Variants in ARHGAP15 observed in about 807,000 individuals in gnomAD.
ARHGAP15 encodes rho GTPase-activating protein 15.
In ARHGAP15, 51 loss-of-function variants were observed where a neutral mutation model predicts 63.7. The ratio of observed to expected loss-of-function variants is 0.80; its 90% CI spans 0.64 to 1.01. The LOEUF is 1.01. Ranked by LOEUF, ARHGAP15 falls within the 50% of genes least tolerant of loss-of-function variation. The pLI, the probability that ARHGAP15 is intolerant of heterozygous loss-of-function variation, is 0.00. For synonymous variants in ARHGAP15, 191 were observed against 193.8 expected (o/e 0.99, Z 0.12); for missense variants, 560 against 564.6 (o/e 0.99, Z 0.08).
chr2:143,624,372 G>A, intron 12 of ARHGAP15, 105 bp downstream of exon 12: 1 of 1,284,044 alleles, frequency 7.8e-7, no homozygotes, highest in Non-Finnish European at 1.0e-6. Flanking sequence ...GGAACAGATA[G>A]TATCCCCGAT....
At chr2:143,132,506 A>G (rs1373378904) in intron 1 of ARHGAP15, among the ~76,000 whole-genome samples, 1 of 152,238 alleles carries the variant, frequency 6.6e-6, no homozygotes, top group East Asian at 1.9e-4. Context: ...GCTTTTCCCC[A>G]GTCACCACAG....
At chr2:143,537,245 T>G (rs1445278330) in intron 10 of ARHGAP15, among the ~76,000 whole-genome samples, 2 of 152,162 alleles carry the variant, frequency 1.3e-5, no homozygotes, top group African/African-American at 4.8e-5. Flanking sequence ...TTCTTGTAAA[T>G]TTCTTTGAGT....
chr2:143,317,658 C>T (rs377624124), intron 6 of ARHGAP15, among the ~76,000 whole-genome samples: 1 of 152,082 alleles, frequency 6.6e-6, no homozygotes, highest in East Asian at 1.9e-4. Flanking sequence ...GCTTTACCTC[C>T]AAAACTGAGG....
chr2:143,224,338 T>C (rs1023319044), intron 4 of ARHGAP15, among the ~76,000 whole-genome samples: 2 of 152,016 alleles, frequency 1.3e-5, no homozygotes, highest in African/African-American at 2.4e-5. Flanking sequence ...ACAGCAAACA[T>C]AAAGCAGAAA....
At chr2:143,487,016 C>T (rs1203222834) in intron 8 of ARHGAP15, among the ~76,000 whole-genome samples, 1 of 152,204 alleles carries the variant, frequency 6.6e-6, no homozygotes, top group Non-Finnish European at 1.5e-5. Flanking sequence ...ATCAGCAATG[C>T]TAAAGAGTTG....
At chr2:143,163,956 C>T (rs1314395909) in intron 2 of ARHGAP15, among the ~76,000 whole-genome samples, 5 of 152,176 alleles carry the variant, frequency 3.3e-5, no homozygotes, top group African/African-American at 9.6e-5. Context: ...CATGGCCTCT[C>T]CTAGGTGGAA....
rs1378320187 is a variant in ARHGAP15 at position 143,495,942 on chromosome 2, C to A, written c.826+8447C>A. Reference sequence around the variant, plus strand: ...ATTGCTTGGGTCTGAAATACTCTGACAACTTCCACGATATGCACTAATGTG... The same window carrying A: ...ATTGCTTGGGTCTGAAATACTCTGAAAACTTCCACGATATGCACTAATGTG... On this transcript the variant is annotated intron_variant, in intron 9 of 13. Transcript: ENST00000295095. Among the ~76,000 whole-genome samples, 10 of 152,306 alleles carry A rather than the reference C, an allele frequency of 6.6e-5. 1 individual carries two copies. The East Asian group carries it at 1.7e-3, about 26-fold the overall frequency.
intron 12 of ARHGAP15, among the ~76,000 whole-genome samples, chr2:143,662,167 T>C (rs1342051523): frequency 6.6e-6 from 1 of 152,222 alleles, no homozygotes; most frequent in Non-Finnish European, 1.5e-5. Context: ...AATATGCCTG[T>C]CTGACAGCTT....
At chr2:143,246,725 G>T (rs1390308617) in intron 5 of ARHGAP15, among the ~76,000 whole-genome samples, 1 of 152,016 alleles carries the variant, frequency 6.6e-6, no homozygotes, top group Non-Finnish European at 1.5e-5. Context: ...GACCTGAAAG[G>T]AAGTGAAGCC....
chr2:143,298,855 A>G (rs1267407676), intron 6 of ARHGAP15, among the ~76,000 whole-genome samples: 2 of 151,948 alleles, frequency 1.3e-5, no homozygotes, highest in African/African-American at 4.8e-5. Flanking sequence ...GTTGTTTTAC[A>G]CTTATTATCT....
chr2:143,306,123 T>C (rs1488937282), intron 6 of ARHGAP15, among the ~76,000 whole-genome samples: 1 of 152,154 alleles, frequency 6.6e-6, no homozygotes, highest in African/African-American at 2.4e-5. Flanking sequence ...GTAATATTAC[T>C]GGGCAAATTG....
chr2:143,150,106 G>T (rs1330881308), intron 1 of ARHGAP15, among the ~76,000 whole-genome samples: 1 of 151,942 alleles, frequency 6.6e-6, no homozygotes, highest in Non-Finnish European at 1.5e-5. Flanking sequence ...GACACCAGGG[G>T]ATGGTGTTCA....
intron 12 of ARHGAP15, among the ~76,000 whole-genome samples, chr2:143,691,233 C>A (rs189248589): frequency 6.6e-6 from 1 of 152,144 alleles, no homozygotes; most frequent in African/African-American, 2.4e-5. Flanking sequence ...TAGGTCTGCT[C>A]TGTAGCACTG....
In ARHGAP15 at chr2:143,435,378, G is replaced by A. The variant is rs527666774; in HGVS notation, c.475-223G>A. On this transcript the variant is annotated intron_variant, in intron 6 of 13. Coordinates refer to ENST00000295095, the MANE Select transcript of ARHGAP15 (RefSeq NM_018460.4). ...GCTCTAGCCCTACTCTGACTTAATC[G>A]TTCTATTATTAAAACAATAATGTAT... 1.3e-4 allele frequency: 151 copies of A among 1,140,466 alleles called. 1 individual carries two copies. The highest frequency in any genetic ancestry group is 3.5e-4 in the Middle Eastern group (1 of 2,876). 70.6% of individuals were successfully genotyped at this position (1,140,466 alleles called of 1,614,324 possible).
At chr2:143,650,034 A>G (rs2105296124) in intron 12 of ARHGAP15, among the ~76,000 whole-genome samples, 1 of 151,918 alleles carries the variant, frequency 6.6e-6, no homozygotes, top group East Asian at 1.9e-4. Context: ...TTCCAGTTTC[A>G]TGTTGTTGGA....
chr2:143,423,170 G>A (rs535471659), intron 6 of ARHGAP15, among the ~76,000 whole-genome samples: 1 of 152,204 alleles, frequency 6.6e-6, no homozygotes, highest in African/African-American at 2.4e-5. Context: ...TCAGATAGAT[G>A]CATTGATACA....
chr2:143,165,999 A>AAAGAAAGAAGG (rs1314681695), intron 2 of ARHGAP15, among the ~76,000 whole-genome samples: 1 of 138,344 alleles, frequency 7.2e-6, no homozygotes, highest in Non-Finnish European at 1.6e-5. Flanking sequence ...AGAAAGAAAG[A>AAAGAAAGAAGG]AAGAAGGAAG....
chr2:143,473,892 AC>A (rs1191526862), intron 8 of ARHGAP15, among the ~76,000 whole-genome samples: 2 of 152,094 alleles, frequency 1.3e-5, no homozygotes, highest in Admixed American at 1.3e-4. Context: ...GGCCTTTAAA[AC>A]CCAAAGACTT....
chr2:143,175,257 A>C, intron 2 of ARHGAP15, among the ~76,000 whole-genome samples: 1 of 152,308 alleles, frequency 6.6e-6, no homozygotes, highest in South Asian at 2.1e-4. Flanking sequence ...GAAGAGCACA[A>C]GTATTAGCAG....
Sources: allele counts gnomAD v4.1 joint callset (sites outside exome capture counted in the v4.1 genomes callset), GRCh38; gene constraint gnomAD v4.1.1; transcripts MANE v1.5; gene names NCBI Gene and HGNC (gene_info 2026-07-23, HGNC 2026-07-21).